OR3A2: variants seen among roughly 807,000 people sequenced by gnomAD.
OR3A2 encodes olfactory receptor family 3 subfamily A member 2, also known as olfactory receptor 3A2.
For missense variants in OR3A2, 318 were observed against 392.8 expected, an observed-to-expected ratio of 0.81 and a Z score of 1.61; for synonymous variants, 126 against 159.3, an observed-to-expected ratio of 0.79 and a Z score of 1.57.
chr17:3,363,266 C>G (rs1262940219), intron 2 of OR3A2, among the ~76,000 whole-genome samples: 1 of 151,772 alleles, frequency 6.6e-6, no homozygotes, highest in African/African-American at 2.4e-5. Flanking sequence ...TATGAGTATA[C>G]ACTTTTAGAA....
At chr17:3,344,465 T>C (rs887355620) in intron 2 of OR3A2, among the ~76,000 whole-genome samples, 15 of 152,122 alleles carry the variant, frequency 9.9e-5, no homozygotes, top group African/African-American at 3.4e-4. Flanking sequence ...ACCATACAGC[T>C]AGACAATATC....
chr17:3,285,226 C>T (rs557631819), upstream of OR3A2, among the ~76,000 whole-genome samples: 21 of 152,248 alleles, frequency 1.4e-4, no homozygotes, highest in South Asian at 2.9e-3. Context: ...GACTCCTCTT[C>T]CCACTAACAT....
intron 2 of OR3A2, among the ~76,000 whole-genome samples, chr17:3,371,772 C>A (rs1295407303): frequency 1.5e-5 from 2 of 132,770 alleles, no homozygotes; most frequent in East Asian, 2.5e-4. Context: ...TAGGGGCGGC[C>A]GGGCAGAGGC....
At chr17:3,330,154 G>A (rs2049217529) in intron 3 of OR3A2, among the ~76,000 whole-genome samples, 1 of 150,122 alleles carries the variant, frequency 6.7e-6, no homozygotes, top group Non-Finnish European at 1.5e-5. Context: ...TTTTGGAATA[G>A]GTGTGGTGTG....
At chr17:3,349,831 T>C (rs1356763590) in intron 2 of OR3A2, among the ~76,000 whole-genome samples, 1 of 151,826 alleles carries the variant, frequency 6.6e-6, no homozygotes, top group Non-Finnish European at 1.5e-5. Context: ...TAACAAACTA[T>C]CTCTCAGACC....
At chr17:3,281,830 A>G (rs1189537606) in intron 1 of OR3A2, among the ~76,000 whole-genome samples, 1 of 152,124 alleles carries the variant, frequency 6.6e-6, no homozygotes, top group African/African-American at 2.4e-5. Context: ...TGCTTATTGG[A>G]ATCACCTGGG....
In OR3A2 at chr17:3,311,234, C is replaced by T. The variant is rs758506070; in HGVS notation, c.-85+24799G>A. On this transcript the variant is annotated intron_variant, in intron 3 of 4. Coordinates refer to the OR3A2 transcript ENST00000573491. This position sits in a 1 kb window ranked among gnomAD's most constrained non-coding sequence, Gnocchi z 4.6. ...TCGGGTGCATCAGTCACTGTTCCTC[C>T]GATGCTGGCGTGTCTCCAGGCCCAC... 1.1e-5 allele frequency: 6 copies of T among 535,904 alleles called. No individual in the cohort carries two copies. The highest frequency in any genetic ancestry group is 5.8e-5 in the Admixed American group (3 of 51,646). The allele number at this position is 535,904 out of a possible 1,614,324, so 33.2% of individuals were successfully genotyped here.
At chr17:3,279,896 TGTG>T (rs1198945818) in intron 1 of OR3A2, among the ~76,000 whole-genome samples, 1 of 152,148 alleles carries the variant, frequency 6.6e-6, no homozygotes, top group Non-Finnish European at 1.5e-5. Flanking sequence ...TATTCATGAT[TGTG>T]GATATCAGAA....
intron 3 of OR3A2, among the ~76,000 whole-genome samples, chr17:3,326,459 G>C: frequency 6.6e-6 from 1 of 151,930 alleles, no homozygotes; most frequent in Non-Finnish European, 1.5e-5. Flanking sequence ...CTGCAGCAGA[G>C]GAACATAAAT....
At chr17:3,347,201 G>T (rs1248972552) in intron 2 of OR3A2, among the ~76,000 whole-genome samples, 1 of 151,016 alleles carries the variant, frequency 6.6e-6, no homozygotes, top group Non-Finnish European at 1.5e-5. Context: ...ATGATGTTGA[G>T]TACCTTTTCA....
At chr17:3,365,619 A>G (rs566854718) in intron 2 of OR3A2, among the ~76,000 whole-genome samples, 2 of 152,290 alleles carry the variant, frequency 1.3e-5, no homozygotes, top group East Asian at 3.9e-4. Flanking sequence ...ACCCACATTG[A>G]CAGAGGCTCC....
chr17:3,297,580 G>A (rs1471042084), intron 3 of OR3A2, among the ~76,000 whole-genome samples: 2 of 151,358 alleles, frequency 1.3e-5, no homozygotes, highest in African/African-American at 2.5e-5. Context: ...TATACTTTAC[G>A]GCTCTTAGCT....
At chr17:3,355,683 A>G (rs779303032) in intron 2 of OR3A2, among the ~76,000 whole-genome samples, 9 of 151,134 alleles carry the variant, frequency 6.0e-5, no homozygotes, top group Admixed American at 1.3e-4. Flanking sequence ...TTTTCCATCT[A>G]TTATTTTCAG....
At chr17:3,339,536 T>C (rs932407773) in intron 2 of OR3A2, among the ~76,000 whole-genome samples, 1 of 152,240 alleles carries the variant, frequency 6.6e-6, no homozygotes, top group African/African-American at 2.4e-5. Flanking sequence ...GAAAATCATG[T>C]GGTTTTTGTC....
At chr17:3,349,642 G>C (rs1287713928) in intron 2 of OR3A2, among the ~76,000 whole-genome samples, 1 of 151,712 alleles carries the variant, frequency 6.6e-6, no homozygotes, top group Admixed American at 6.6e-5. Context: ...AAGTCAACAA[G>C]GATACCCAGG....
upstream of OR3A2, among the ~76,000 whole-genome samples, chr17:3,288,790 T>C (rs1156856711): frequency 6.6e-6 from 1 of 152,226 alleles, no homozygotes; most frequent in Non-Finnish European, 1.5e-5. Flanking sequence ...GTATTTCTGA[T>C]AGTGAACACG....
chr17:3,350,275 T>C (rs1207337881), intron 2 of OR3A2, among the ~76,000 whole-genome samples: 1 of 151,970 alleles, frequency 6.6e-6, no homozygotes, highest in Non-Finnish European at 1.5e-5. Context: ...ACAAAATTGA[T>C]AGCCTGCTAG....
chr17:3,366,268 T>C (rs557930049), intron 2 of OR3A2, among the ~76,000 whole-genome samples: 2 of 152,326 alleles, frequency 1.3e-5, no homozygotes, highest in Non-Finnish European at 2.9e-5. Flanking sequence ...CTCATTTTCA[T>C]ATTAATCTGT....
upstream of OR3A2, among the ~76,000 whole-genome samples, chr17:3,288,878 A>G (rs1310412407): frequency 1.3e-5 from 2 of 152,242 alleles, no homozygotes. Flanking sequence ...CTATATATAT[A>G]AATACTAATC....
Sources: gnomAD v4.1 joint callset for allele counts (sites outside exome capture counted in the v4.1 genomes callset) on GRCh38, gnomAD v4.1.1 for gene constraint, Gnocchi (gnomAD v3.1) non-coding constraint, MANE v1.5 for transcripts, NCBI Gene and HGNC (gene_info 2026-07-23, HGNC 2026-07-21) for gene names.